Variants in TBC1D1 observed in about 807,000 individuals in gnomAD.
TBC1D1 encodes the protein TBC1 domain family member 1, also known as TBC1 (tre-2/USP6, BUB2, cdc16) domain family, member 1.
A neutral mutation model predicts 125.6 loss-of-function variants in TBC1D1; 89 were observed. That is an observed-to-expected ratio of 0.71 (90% CI 0.60 to 0.85). The LOEUF (loss-of-function observed/expected upper bound fraction) is 0.85. Ranked by LOEUF, TBC1D1 falls within the 40% of genes least tolerant of loss-of-function variation. The pLI is 0.00. For synonymous variants in TBC1D1, 565 were observed against 564.1 expected (o/e 1.00, Z -0.02); for missense variants, 1,377 against 1,469.2 (o/e 0.94, Z 1.03).
intron 2 of TBC1D1, among the ~76,000 whole-genome samples, chr4:37,904,681 A>C (rs1316542527): frequency 6.6e-6 from 1 of 152,212 alleles, no homozygotes; most frequent in Admixed American, 6.5e-5. Flanking sequence ...TTGAAATATG[A>C]ATTAGTTCTT....
chr4:37,894,637 T>A (rs1714147420), intron 1 of TBC1D1, among the ~76,000 whole-genome samples: 1 of 152,196 alleles, frequency 6.6e-6, no homozygotes, highest in African/African-American at 2.4e-5. Flanking sequence ...AATTAGTGAA[T>A]TTATACATGC....
intron 18 of TBC1D1, among the ~76,000 whole-genome samples, chr4:38,128,262 C>G (rs377144865): frequency 1.3e-5 from 2 of 152,196 alleles, no homozygotes; most frequent in African/African-American, 4.8e-5. Context: ...TCTCTCCCCT[C>G]TTTCCCTCTG....
intron 12 of TBC1D1, among the ~76,000 whole-genome samples, chr4:38,075,153 A>G (rs1433794372): frequency 6.6e-6 from 1 of 152,250 alleles, no homozygotes; most frequent in Non-Finnish European, 1.5e-5. Context: ...TTTGCTTACC[A>G]CAAAAACAGT....
chr4:37,954,759 A>C (rs1728572927), intron 2 of TBC1D1, among the ~76,000 whole-genome samples: 1 of 150,656 alleles, frequency 6.6e-6, no homozygotes, highest in South Asian at 2.1e-4. Context: ...GGCGATGAAG[A>C]GGCGGGGTGA....
intron 15 of TBC1D1, among the ~76,000 whole-genome samples, chr4:38,107,856 A>G (rs1761599540): frequency 6.6e-6 from 1 of 151,974 alleles, no homozygotes; most frequent in Admixed American, 6.5e-5. Context: ...TCCATACCAC[A>G]TCCCTTCTAG....
chr4:37,911,123 C>T (rs898667128), intron 2 of TBC1D1, among the ~76,000 whole-genome samples: 16 of 143,272 alleles, frequency 1.1e-4, no homozygotes, highest in African/African-American at 4.2e-4. Context: ...GTAGGTTCTC[C>T]CCTCCTCCTT....
chr4:37,934,515 G>A (rs945518276), intron 2 of TBC1D1, among the ~76,000 whole-genome samples: 2 of 152,198 alleles, frequency 1.3e-5, no homozygotes, highest in African/African-American at 2.4e-5. Context: ...CTGCTTCTGC[G>A]TCATCCGTCC....
chr4:38,130,925 A>C (rs1055648184), intron 18 of TBC1D1, among the ~76,000 whole-genome samples: 2 of 152,208 alleles, frequency 1.3e-5, no homozygotes, highest in African/African-American at 4.8e-5. Flanking sequence ...CTAAGTGTGC[A>C]AGGACAGGCG....
chr4:38,021,521 CA>C (rs1306270111), intron 5 of TBC1D1, 64 bp from the exon 6 acceptor site: 1 of 1,388,526 alleles, frequency 7.2e-7, no homozygotes, highest in East Asian at 2.7e-5. Flanking sequence ...GATTTTCTGA[CA>C]TCTCAGCCCA....
intron 2 of TBC1D1, among the ~76,000 whole-genome samples, chr4:37,999,564 C>G (rs1738574050): frequency 6.6e-6 from 1 of 151,974 alleles, no homozygotes; most frequent in Non-Finnish European, 1.5e-5. Context: ...ACAGGTGTTA[C>G]AGCAGAAGAC....
chr4:37,901,916 T>G, intron 1 of TBC1D1, 87 bp from the exon 2 acceptor site: 1 of 587,516 alleles, frequency 1.7e-6, no homozygotes, highest in Non-Finnish European at 2.9e-6. Context: ...GTTTCAGGCT[T>G]TTGAGTTCTT....
intron 2 of TBC1D1, among the ~76,000 whole-genome samples, chr4:37,909,120 C>T (rs189133334): frequency 3.0e-4 from 45 of 152,202 alleles, no homozygotes; most frequent in Admixed American, 2.0e-3. Context: ...TGTAAGGAAC[C>T]AGTGTATTCT....
chr4:37,975,328 T>C (rs1262242257), intron 2 of TBC1D1, among the ~76,000 whole-genome samples: 2 of 152,226 alleles, frequency 1.3e-5, no homozygotes, highest in African/African-American at 4.8e-5. Flanking sequence ...TTGCTACTAC[T>C]ATCTAAAAGG....
intron 15 of TBC1D1, chr4:38,110,102 A>G (rs1465278308): frequency 6.6e-6 from 4 of 607,240 alleles, no homozygotes; most frequent in African/African-American, 4.0e-5. Context: ...GTTTGCTGCA[A>G]GAGACCTCTG....
At position 38,124,580 on chromosome 4, in the gene TBC1D1, A is replaced by G. The variant is rs533301316; in HGVS notation, c.2963-382A>G. Among the ~76,000 whole-genome samples, 6 of 152,292 alleles carry G rather than the reference A, an allele frequency of 3.9e-5. No homozygotes were observed. The South Asian group carries it at 8.3e-4, about 21-fold the overall frequency. ...ACAGAGACACTTTTTCACTTACTCT[A>G]TCTTAATTTCTGATGCTTTATCTAT... On this transcript the variant is annotated intron_variant, in intron 17 of 19. Transcript: ENST00000261439.
At chr4:37,894,179 A>C (rs549109406) in intron 1 of TBC1D1, among the ~76,000 whole-genome samples, 4 of 151,974 alleles carry the variant, frequency 2.6e-5, no homozygotes, top group Non-Finnish European at 5.9e-5. Flanking sequence ...AGTAGAGGCG[A>C]GGTTTCACCA....
At chr4:38,011,450 T>C (rs1313911960) in intron 2 of TBC1D1, among the ~76,000 whole-genome samples, 1 of 152,204 alleles carries the variant, frequency 6.6e-6, no homozygotes, top group Non-Finnish European at 1.5e-5. Context: ...TAGAACCCAT[T>C]TTTTATTTAG....
chr4:38,110,133 C>A, intron 15 of TBC1D1: 1 of 908,950 alleles, frequency 1.1e-6, no homozygotes, highest in Non-Finnish European at 1.3e-6. Flanking sequence ...GCAGCTGCCA[C>A]ATGGTAAACA....
chr4:38,002,281 T>A (rs992241415), intron 2 of TBC1D1, among the ~76,000 whole-genome samples: 1 of 152,198 alleles, frequency 6.6e-6, no homozygotes, highest in Non-Finnish European at 1.5e-5. Context: ...TGAAAAAATA[T>A]ACTAAGCAGT....
Sources: gnomAD v4.1 joint callset for allele counts (sites outside exome capture counted in the v4.1 genomes callset) on GRCh38, gnomAD v4.1.1 for gene constraint, MANE v1.5 for transcripts, NCBI Gene and HGNC (gene_info 2026-07-23, HGNC 2026-07-21) for gene names.